GALNT13: variants seen among roughly 807,000 people sequenced by gnomAD.
GALNT13 encodes UDP-GalNAc:polypeptide N-acetylgalactosaminyltransferase 13.
A neutral mutation model predicts 64.2 loss-of-function variants in GALNT13; 28 were observed. The ratio of observed to expected loss-of-function variants is 0.44; its 90% CI spans 0.32 to 0.60. The LOEUF is 0.60. Ranked by LOEUF, GALNT13 falls within the 20% of genes least tolerant of loss-of-function variation. The pLI, the probability that GALNT13 is intolerant of heterozygous loss-of-function variation, is 0.05. For missense variants in GALNT13, 577 were observed against 669.8 expected, an observed-to-expected ratio of 0.86 and a Z score of 1.53; for synonymous variants, 214 against 224.6, an observed-to-expected ratio of 0.95 and a Z score of 0.42.
the GALNT13 span, among the ~76,000 whole-genome samples, chr2:153,631,463 C>A: frequency 6.6e-6 from 1 of 152,198 alleles, no homozygotes; most frequent in Non-Finnish European, 1.5e-5. Flanking sequence ...CACATCCTCT[C>A]CAGCACCTGT....
chr2:154,327,585 T>C lies in GALNT13; in HGVS notation c.1156+25996T>C, dbSNP rs140991818. 2.5e-3 allele frequency among the ~76,000 whole-genome samples: 385 copies of C among 152,102 alleles called. 2 individuals are homozygous for C. The highest frequency in any genetic ancestry group is 8.7e-3 in the African/African-American group (362 of 41,524). On this transcript the variant is annotated intron_variant, in intron 9 of 12. Coordinates refer to ENST00000392825, the MANE Select transcript of GALNT13 (RefSeq NM_052917.4). ...GAAGTGCACTTTTATTTGGATGGAG[T>C]ACTCTTTAATTTTAATAATACATTC...
At chr2:153,820,770 A>G in the GALNT13 span, among the ~76,000 whole-genome samples, 12 of 152,068 alleles carry the variant, frequency 7.9e-5, no homozygotes, top group Admixed American at 4.6e-4. Flanking sequence ...ACACTTAAGT[A>G]TATAGCCAAC....
At chr2:153,573,204 G>T in the GALNT13 span, among the ~76,000 whole-genome samples, 1 of 151,732 alleles carries the variant, frequency 6.6e-6, no homozygotes, top group Admixed American at 6.6e-5. Context: ...ACCTTTGTTT[G>T]TCTCTTCTTA....
chr2:153,836,073 T>G, the GALNT13 span, among the ~76,000 whole-genome samples: 3 of 152,034 alleles, frequency 2.0e-5, no homozygotes, highest in Non-Finnish European at 4.4e-5. Context: ...ATCCTAGACT[T>G]TCAATCCCAA....
rs528941914 is a variant in GALNT13 at position 154,137,809 on chromosome 2, G to A, written c.143-2528G>A. Among the ~76,000 whole-genome samples, 9 of 152,040 alleles carry A rather than the reference G, an allele frequency of 5.9e-5. No individual in the cohort carries two copies. The South Asian group carries it at 6.2e-4, about 11-fold the overall frequency. The stretch of plus-strand genomic sequence containing the variant: ...CATGTCTTTTTATCAGTTTACAGAC[G>A]GTGAAAGGGATCAGAACATGCATCC... On this transcript the variant is annotated intron_variant, in intron 3 of 12. Transcript: ENST00000392825.
intron 3 of GALNT13, among the ~76,000 whole-genome samples, chr2:154,129,373 G>T (rs949475856): frequency 1.7e-4 from 26 of 152,148 alleles, no homozygotes; most frequent in African/African-American, 6.3e-4. Flanking sequence ...TCTTCTTCTT[G>T]ATATTGTGCC....
the GALNT13 span, among the ~76,000 whole-genome samples, chr2:153,090,488 C>G: frequency 1.3e-5 from 2 of 152,304 alleles, no homozygotes; most frequent in Admixed American, 1.3e-4. Context: ...CAGGATGTTG[C>G]AGGCAGTGGA....
Position 153,924,563 on chromosome 2 carries a change from T to C in GALNT13, c.-104-19831T>C, listed in dbSNP as rs140990126. The stretch of plus-strand genomic sequence containing the variant: ...TATAAAAGAACAGTTTATATTCCTT[T>C]GGGTATATACCCAGTAATGAGATTG... On this transcript the variant is annotated intron_variant, in intron 2 of 12. Coordinates refer to ENST00000392825, the MANE Select transcript of GALNT13 (RefSeq NM_052917.4). Among the ~76,000 whole-genome samples the C allele has an allele frequency of 2.8e-3, 419 of 152,310 alleles. 1 individual carries two copies. The highest frequency in any genetic ancestry group is 9.8e-3 in the African/African-American group (409 of 41,576).
intron 3 of GALNT13, among the ~76,000 whole-genome samples, chr2:154,138,013 C>T (rs187741056): frequency 9.2e-5 from 14 of 152,002 alleles, no homozygotes; most frequent in South Asian, 4.2e-4. Flanking sequence ...AAATTGTTCT[C>T]GTCACCAGAA....
chr2:154,334,216 A>T (rs985922394), intron 9 of GALNT13, among the ~76,000 whole-genome samples: 1 of 152,038 alleles, frequency 6.6e-6, no homozygotes, highest in Non-Finnish European at 1.5e-5. Context: ...AATGTTAGAG[A>T]TATGATTCCT....
chr2:153,586,841 A>T, the GALNT13 span, among the ~76,000 whole-genome samples: 1 of 152,176 alleles, frequency 6.6e-6, no homozygotes, highest in Non-Finnish European at 1.5e-5. Flanking sequence ...ATCTTCTCAG[A>T]CCACAGTAAA....
chr2:154,181,491 G>A (rs1685955803), intron 4 of GALNT13, among the ~76,000 whole-genome samples: 1 of 152,014 alleles, frequency 6.6e-6, no homozygotes, highest in South Asian at 2.1e-4. Flanking sequence ...TTTAAAGTGA[G>A]TATGTATTTT....
At chr2:154,427,843 C>A (rs1433263023) in intron 11 of GALNT13, among the ~76,000 whole-genome samples, 2 of 152,164 alleles carry the variant, frequency 1.3e-5, no homozygotes, top group African/African-American at 4.8e-5. Context: ...AAGGTACTGT[C>A]TGGGAATAAA....
At chr2:154,169,728 G>A (rs1376192061) in intron 4 of GALNT13, among the ~76,000 whole-genome samples, 2 of 152,154 alleles carry the variant, frequency 1.3e-5, no homozygotes, top group Admixed American at 6.5e-5. Context: ...GCAGCACTCC[G>A]GGTAAGTTTG....
chr2:153,566,354 T>TTTG, the GALNT13 span, among the ~76,000 whole-genome samples: 22,819 of 79,812 alleles, frequency 0.29, 2,784 homozygotes, highest in Non-Finnish European at 0.42. Flanking sequence ...TCACGTTTTT[T>TTTG]TTTTTTTTTT....
At chr2:153,632,828 A>G in the GALNT13 span, among the ~76,000 whole-genome samples, 2 of 151,916 alleles carry the variant, frequency 1.3e-5, no homozygotes, top group Admixed American at 1.3e-4. Flanking sequence ...TCTCAGCGCA[A>G]TGCAACCTTC....
chr2:153,841,250 G>A, the GALNT13 span, among the ~76,000 whole-genome samples: 6 of 151,734 alleles, frequency 4.0e-5, no homozygotes, highest in African/African-American at 7.3e-5. Flanking sequence ...GAAATTCATC[G>A]TGTTTTATTT....
At chr2:153,575,044 G>A in the GALNT13 span, among the ~76,000 whole-genome samples, 1 of 152,128 alleles carries the variant, frequency 6.6e-6, no homozygotes, top group Non-Finnish European at 1.5e-5. Context: ...AAGGACTTGA[G>A]TGTTGTGAAC....
At chr2:154,291,671 G>T (rs1049345891) in intron 8 of GALNT13, among the ~76,000 whole-genome samples, 39 of 152,234 alleles carry the variant, frequency 2.6e-4, no homozygotes, top group African/African-American at 8.7e-4. Flanking sequence ...GCTCCTGCCC[G>T]CACCTCTCCC....
Sources: gnomAD v4.1 joint callset for allele counts (sites outside exome capture counted in the v4.1 genomes callset) on GRCh38, gnomAD v4.1.1 for gene constraint, MANE v1.5 for transcripts, NCBI Gene and HGNC (gene_info 2026-07-23, HGNC 2026-07-21) for gene names.